Variants in CCDC73 observed in about 807,000 individuals in gnomAD.
CCDC73 encodes the protein coiled-coil domain containing 73, also known as coiled-coil domain-containing protein 73.
A neutral mutation model predicts 116.5 loss-of-function variants in CCDC73; 95 were observed. The ratio of observed to expected loss-of-function variants is 0.82; its 90% CI spans 0.69 to 0.97. The LOEUF is 0.97. Among genes scored for constraint, CCDC73 ranks in the 50% least tolerant of loss-of-function variants. The pLI is 0.00. For synonymous variants in CCDC73, 398 were observed against 401.3 expected, an observed-to-expected ratio of 0.99 and a Z score of 0.10; for missense variants, 1,066 against 1,206.8, an observed-to-expected ratio of 0.88 and a Z score of 1.73.
intron 2 of CCDC73, among the ~76,000 whole-genome samples, chr11:32,748,035 C>T (rs1189149108): frequency 1.3e-5 from 2 of 152,186 alleles, no homozygotes; most frequent in Non-Finnish European, 2.9e-5. Flanking sequence ...CATCAGTCTC[C>T]CTGGGAGCTG....
intron 9 of CCDC73, among the ~76,000 whole-genome samples, chr11:32,656,546 T>C (rs1193438755): frequency 1.3e-5 from 2 of 152,182 alleles, no homozygotes; most frequent in African/African-American, 4.8e-5. Flanking sequence ...TGTTGGTAGA[T>C]AGTCAGGGAA....
intron 2 of CCDC73, among the ~76,000 whole-genome samples, chr11:32,744,337 G>A (rs1453713429): frequency 2.6e-5 from 4 of 152,172 alleles, no homozygotes; most frequent in Non-Finnish European, 5.9e-5. Context: ...TTTTCGCACT[G>A]ATGTTCATCA....
chr11:32,722,375 C>T (rs1849997498), intron 2 of CCDC73, among the ~76,000 whole-genome samples: 1 of 152,146 alleles, frequency 6.6e-6, no homozygotes. Flanking sequence ...GGTCACATAC[C>T]CTCTCCTAAG....
chr11:32,698,730 T>C (rs1006482924), intron 6 of CCDC73, among the ~76,000 whole-genome samples: 2 of 152,260 alleles, frequency 1.3e-5, no homozygotes, highest in African/African-American at 4.8e-5. Flanking sequence ...TTATCATTGC[T>C]GTATCCTCAA....
chr11:32,705,741 T>C (rs1322145203), intron 3 of CCDC73, among the ~76,000 whole-genome samples: 2 of 152,218 alleles, frequency 1.3e-5, no homozygotes, highest in Non-Finnish European at 2.9e-5. Flanking sequence ...TTATGATAGT[T>C]GGAAGTTTAA....
In CCDC73 at chr11:32,675,887, A is replaced by G. The variant is rs1164545077; in HGVS notation, c.564T>C (p.Asn188=). ...VKENHEKLEQ[N]VREAIQSNKR... ...ATATTTAAATAAGATAGCACATACC[A>G]TTTTGTTCTAACTTTTCATGATTCT... The change falls in exon 8 of 18, where the codon AAT becomes AAC. Residue 188 remains asparagine (N), a splice_region_variant and synonymous_variant. Coordinates refer to ENST00000335185, the MANE Select transcript of CCDC73 (RefSeq NM_001008391.4). 3.1e-6 allele frequency: 5 copies of G among 1,593,168 alleles called. No homozygotes were observed. Among genetic ancestry groups the G allele is most frequent in the Middle Eastern group, 1.7e-4 (1 of 5,986 alleles).
chr11:32,667,375 C>T (rs1855994899), intron 9 of CCDC73, among the ~76,000 whole-genome samples: 1 of 152,216 alleles, frequency 6.6e-6, no homozygotes, highest in Non-Finnish European at 1.5e-5. Flanking sequence ...GGTGCCCCTC[C>T]CCCAGCCTCG....
At chr11:32,652,134 C>T (rs1269351500) in intron 12 of CCDC73, among the ~76,000 whole-genome samples, 5 of 151,992 alleles carry the variant, frequency 3.3e-5, no homozygotes. Context: ...GGTAAACTTC[C>T]AAACTTCAAG....
intron 9 of CCDC73, 53 bp from the exon 10 acceptor site, chr11:32,655,025 C>G (rs1855858666): frequency 9.3e-6 from 10 of 1,072,720 alleles, no homozygotes; most frequent in Non-Finnish European, 1.2e-5. Context: ...TTCACTAAAA[C>G]AAGGTACTTT....
At chr11:32,781,377 A>T (rs1429065765) in intron 1 of CCDC73, among the ~76,000 whole-genome samples, 2 of 152,246 alleles carry the variant, frequency 1.3e-5, no homozygotes, top group African/African-American at 4.8e-5. Flanking sequence ...CAGATAAAAA[A>T]GTAGAAATCT....
intron 7 of CCDC73, among the ~76,000 whole-genome samples, chr11:32,677,767 C>T (rs141131046): frequency 0.017 from 2,595 of 151,700 alleles, 87 homozygotes; most frequent in African/African-American, 0.059. Flanking sequence ...TCCTGACCAA[C>T]ATGGTGAAAC....
chr11:32,632,960 A>G (rs1855644850), intron 14 of CCDC73, among the ~76,000 whole-genome samples: 1 of 152,240 alleles, frequency 6.6e-6, no homozygotes, highest in Non-Finnish European at 1.5e-5. Context: ...CAAAGTAAGC[A>G]GAGTAAAGGA....
chr11:32,765,862 G>T (rs1261380454), intron 1 of CCDC73, among the ~76,000 whole-genome samples: 1 of 152,132 alleles, frequency 6.6e-6, no homozygotes, highest in African/African-American at 2.4e-5. Flanking sequence ...ATTCACAGCC[G>T]AATTCTACCA....
intron 6 of CCDC73, among the ~76,000 whole-genome samples, chr11:32,694,102 T>C (rs1349844152): frequency 6.6e-6 from 1 of 152,180 alleles, no homozygotes; most frequent in Non-Finnish European, 1.5e-5. Context: ...GGGTATTCAA[T>C]TAGGAAAAGA....
intron 2 of CCDC73, among the ~76,000 whole-genome samples, chr11:32,745,743 TGG>T (rs1491435967): frequency 2.5e-5 from 2 of 79,236 alleles, no homozygotes; most frequent in Non-Finnish European, 4.8e-5. Context: ...TTGTTTGTTT[TGG>T]TTTTTTTTTT....
rs547876635 is a variant in CCDC73 at position 32,619,264 on chromosome 11, T to G, written c.1186-3135A>C. Among the ~76,000 whole-genome samples the G allele has an allele frequency of 2.8e-5, 4 of 143,154 alleles. No individual in the cohort carries two copies. The East Asian group carries it at 7.8e-4, about 28-fold the overall frequency. 93.9% of individuals were successfully genotyped at this position (143,154 alleles called of 152,430 possible). On this transcript the variant is annotated intron_variant, in intron 14 of 17. Transcript: ENST00000335185. ...CAAGGCCAATATCCAGAATGGTGTTTGCTGAGTTTTCTTTTAGTATTCTAA... is the reference window on the plus strand; with the variant it reads ...CAAGGCCAATATCCAGAATGGTGTTGGCTGAGTTTTCTTTTAGTATTCTAA...
chr11:32,823,977 C>T, the CCDC73 span, among the ~76,000 whole-genome samples: 1 of 152,188 alleles, frequency 6.6e-6, no homozygotes, highest in Non-Finnish European at 1.5e-5. Context: ...TCATTGCAAC[C>T]TCCACCTCCC....
At chr11:32,830,183 C>G in the CCDC73 span, 1 of 1,049,158 alleles carries the variant, frequency 9.5e-7, no homozygotes, top group East Asian at 7.1e-5. Context: ...GGTACGAGGC[C>G]TGGCGGCAGG....
intron 12 of CCDC73, among the ~76,000 whole-genome samples, chr11:32,650,002 A>G (rs1482086220): frequency 6.6e-6 from 1 of 152,142 alleles, no homozygotes; most frequent in East Asian, 1.9e-4. Flanking sequence ...CATTTGAGAG[A>G]AAAAGAGAGA....
Sources: allele counts gnomAD v4.1 joint callset (sites outside exome capture counted in the v4.1 genomes callset), GRCh38; gene constraint gnomAD v4.1.1; transcripts MANE v1.5; gene names NCBI Gene and HGNC (gene_info 2026-07-23, HGNC 2026-07-21).